PCDH11X: variants seen among roughly 807,000 people sequenced by gnomAD.
PCDH11X encodes protocadherin 11 X-linked.
PCDH11X carries 18 observed loss-of-function variants against 53.3 expected under a neutral mutation model. The ratio of observed to expected loss-of-function variants is 0.34; its 90% CI spans 0.23 to 0.50. PCDH11X has a LOEUF of 0.50. Among genes scored for constraint, PCDH11X ranks in the 20% least tolerant of loss-of-function variants. The pLI is 0.98. For synonymous variants in PCDH11X, 279 were observed against 393.3 expected (o/e 0.71, Z 3.44); for missense variants, 570 against 1,032.4 (o/e 0.55, Z 6.14).
At chrX:92,375,164 A>ATTTTTTTT (rs1817360852) in intron 8 of PCDH11X, among the ~76,000 whole-genome samples, 1 of 9,961 alleles carries the variant, frequency 1.0e-4, no homozygotes, top group African/African-American at 3.3e-4. Flanking sequence ...ATATATATAT[A>ATTTTTTTT]TATTTTTTTT....
At chrX:91,968,100 C>A (rs1850485675) in intron 6 of PCDH11X, among the ~76,000 whole-genome samples, 2 of 111,607 alleles carry the variant, frequency 1.8e-5, no homozygotes, top group African/African-American at 3.3e-5. Context: ...AGCAAGCCTT[C>A]AAATATGAGT....
At chrX:92,015,148 G>A (rs192332677) in intron 6 of PCDH11X, among the ~76,000 whole-genome samples, 1,608 of 111,849 alleles carry the variant, frequency 0.014, 37 homozygotes, top group African/African-American at 0.05. Context: ...CTCATCTGAG[G>A]CTTCATTGCT....
chrX:92,331,787 A>G (rs2069497190), intron 8 of PCDH11X, among the ~76,000 whole-genome samples: 1 of 111,262 alleles, frequency 9.0e-6, no homozygotes, highest in South Asian at 3.8e-4. Flanking sequence ...TATGTCCTCT[A>G]CAAAGCCTTC....
chrX:92,460,624 C>T (rs1471889446), intron 9 of PCDH11X: 7 of 833,168 alleles, frequency 8.4e-6, no homozygotes, highest in Non-Finnish European at 1.0e-5. Flanking sequence ...GCTTGGAGAA[C>T]AACCCGAGGG....
intron 7 of PCDH11X, among the ~76,000 whole-genome samples, chrX:92,223,430 C>T (rs1457821576): frequency 9.0e-6 from 1 of 111,703 alleles, no homozygotes; most frequent in Non-Finnish European, 1.9e-5. Flanking sequence ...TCATATTCCC[C>T]CAGTACAATG....
chrX:91,836,117 A>G, intron 5 of PCDH11X, 73 bp downstream of exon 5: 1 of 1,078,261 alleles, frequency 9.3e-7, no homozygotes, highest in African/African-American at 1.9e-5. Context: ...ATATTAATGT[A>G]TTTCAAATTT....
chrX:92,118,764 CGG>C (rs2064692552), intron 6 of PCDH11X, among the ~76,000 whole-genome samples: 1 of 53,166 alleles, frequency 1.9e-5, no homozygotes, highest in South Asian at 1.2e-3. Context: ...TTTTTTGAGA[CGG>C]AGTCTTGCTC....
chrX:92,605,660 A>AGTGTATT (rs1926714496), intron 10 of PCDH11X, among the ~76,000 whole-genome samples: 1 of 111,968 alleles, frequency 8.9e-6, no homozygotes, highest in African/African-American at 3.2e-5. Context: ...TTAAAAATTG[A>AGTGTATT]GTGTATTTCT....
At chrX:91,883,677 C>T (rs1416622339) in intron 6 of PCDH11X, 18 of 490,530 alleles carry the variant, frequency 3.7e-5, no homozygotes, top group African/African-American at 3.5e-4. Flanking sequence ...TGGTGGCGGG[C>T]GCCTGTAGTC....
At chrX:92,274,490 T>C (rs749080818) in intron 8 of PCDH11X, among the ~76,000 whole-genome samples, 29 of 110,903 alleles carry the variant, frequency 2.6e-4, no homozygotes, top group Middle Eastern at 9.4e-3. Flanking sequence ...TCTCAGACCC[T>C]GTAGGAAAGG....
At chrX:91,791,683 G>T (rs1355743334) in intron 1 of PCDH11X, among the ~76,000 whole-genome samples, 9 of 94,350 alleles carry the variant, frequency 9.5e-5, no homozygotes, top group Non-Finnish European at 1.7e-4. Context: ...TCTTTTTAGG[G>T]TTTTTTTTTT....
chrX:92,090,395 T>G (rs2064029887), intron 6 of PCDH11X, among the ~76,000 whole-genome samples: 1 of 110,414 alleles, frequency 9.1e-6, no homozygotes, highest in South Asian at 3.9e-4. Context: ...ATCTTAGAGT[T>G]AGTTGATTGT....
chrX:92,389,354 A>G (rs933560171), intron 9 of PCDH11X, among the ~76,000 whole-genome samples: 2 of 111,856 alleles, frequency 1.8e-5, no homozygotes, highest in South Asian at 3.7e-4. Flanking sequence ...TAACAAATAC[A>G]CATTAAGCAA....
At chrX:92,577,523 G>C (rs1189916561) in intron 10 of PCDH11X, among the ~76,000 whole-genome samples, 1 of 109,373 alleles carries the variant, frequency 9.1e-6, no homozygotes, top group Non-Finnish European at 1.9e-5. Context: ...TTTTTGAAGA[G>C]ATTTTTTTTT....
At chrX:92,375,002 A>G (rs1350424277) in intron 8 of PCDH11X, among the ~76,000 whole-genome samples, 5 of 105,752 alleles carry the variant, frequency 4.7e-5, no homozygotes, top group African/African-American at 1.0e-4. Context: ...TGATTTCTTC[A>G]TAATACATTG....
At position 91,919,315 on chromosome X, in the gene PCDH11X, C is replaced by T. The variant is rs1462069183; in HGVS notation, c.3033+40042C>T. 4.5e-5 allele frequency among the ~76,000 whole-genome samples: 5 copies of T among 111,544 alleles called. No individual in the cohort carries two copies. The Admixed American group carries it at 4.8e-4, about 11-fold the overall frequency. ...GCACTGACCTAGTGTCACACAGAGTCTATAAATTAAATTTTAAGTCTCACA... is the reference window on the plus strand; with the variant it reads ...GCACTGACCTAGTGTCACACAGAGTTTATAAATTAAATTTTAAGTCTCACA... On this transcript the variant is annotated intron_variant, in intron 6 of 10. Transcript: ENST00000682573.
At chrX:92,545,264 T>C (rs139395659) in intron 10 of PCDH11X, among the ~76,000 whole-genome samples, 1,989 of 110,464 alleles carry the variant, frequency 0.018, 20 homozygotes, top group Non-Finnish European at 0.029. Flanking sequence ...TGACTTATAA[T>C]TTAGAGGCTT....
intron 6 of PCDH11X, among the ~76,000 whole-genome samples, chrX:92,174,504 G>A (rs2148281349): frequency 9.0e-6 from 1 of 111,545 alleles, no homozygotes; most frequent in African/African-American, 3.3e-5. Flanking sequence ...GATATTAATG[G>A]TATATGCACG....
At chrX:91,904,129 G>A (rs1024274489) in intron 6 of PCDH11X, among the ~76,000 whole-genome samples, 3 of 110,446 alleles carry the variant, frequency 2.7e-5, no homozygotes, top group Non-Finnish European at 5.7e-5. Flanking sequence ...ATGGGTGTGG[G>A]GATTAAATAC....
Sources: allele counts gnomAD v4.1 joint callset (sites outside exome capture counted in the v4.1 genomes callset), GRCh38; gene constraint gnomAD v4.1.1; transcripts MANE v1.5; gene names NCBI Gene and HGNC (gene_info 2026-07-23, HGNC 2026-07-21).